Variants in MGST2 observed in about 807,000 individuals in gnomAD.
The protein encoded by MGST2 is glutathione peroxidase MGST2.
In MGST2, 9 loss-of-function variants were observed where a neutral mutation model predicts 16.6. The observed-to-expected ratio is 0.54, with a 90% confidence interval of 0.33 to 0.95. The LOEUF (loss-of-function observed/expected upper bound fraction) is 0.95. Among genes scored for constraint, MGST2 ranks in the 40% least tolerant of loss-of-function variants. MGST2 has a pLI of 0.03. For synonymous variants in MGST2, 79 were observed against 68.0 expected (o/e 1.16, Z -0.79); for missense variants, 159 against 175.1 (o/e 0.91, Z 0.52).
At chr4:139,681,264 C>G (rs1170533186) in intron 2 of MGST2, among the ~76,000 whole-genome samples, 1 of 152,162 alleles carries the variant, frequency 6.6e-6, no homozygotes, top group Non-Finnish European at 1.5e-5. Context: ...GCAATCTGCC[C>G]ACCTCAGCCT....
intron 5 of MGST2, chr4:139,725,888 A>G (rs1728453584): frequency 1.4e-6 from 2 of 1,422,108 alleles, no homozygotes; most frequent in Non-Finnish European, 2.0e-6. Flanking sequence ...GAGCAAGCAC[A>G]CAATTCAATA....
At chr4:139,708,673 G>A (rs1727613042), downstream of MGST2, among the ~76,000 whole-genome samples, 1 of 152,042 alleles carries the variant, frequency 6.6e-6, no homozygotes, top group African/African-American at 2.4e-5. Flanking sequence ...AAACCAAATG[G>A]CAATGTGAGA....
intron 5 of MGST2, among the ~76,000 whole-genome samples, chr4:139,723,114 A>T (rs1312486423): frequency 6.6e-6 from 1 of 152,250 alleles, no homozygotes; most frequent in Middle Eastern, 3.2e-3. Context: ...TATCTATATG[A>T]GTGCGAAATA....
chr4:139,753,883 G>A, the MGST2 span, among the ~76,000 whole-genome samples: 1 of 152,168 alleles, frequency 6.6e-6, no homozygotes, highest in African/African-American at 2.4e-5. Context: ...GAGACAAATG[G>A]AAATGAAGAA....
chr4:139,711,360 G>A (rs929788966), intron 5 of MGST2, among the ~76,000 whole-genome samples: 2 of 152,110 alleles, frequency 1.3e-5, no homozygotes, highest in Non-Finnish European at 2.9e-5. Context: ...GTGAAAGCAA[G>A]TTTATTAAGA....
At chr4:139,675,923 TATAAA>T (rs1475946095) in intron 1 of MGST2, among the ~76,000 whole-genome samples, 1 of 152,128 alleles carries the variant, frequency 6.6e-6, no homozygotes, top group East Asian at 1.9e-4. Flanking sequence ...TCTAGTTACA[TATAAA>T]TTTTGGGGAA....
chr4:139,673,905 AT>A (rs940332825), intron 1 of MGST2, among the ~76,000 whole-genome samples: 2 of 152,194 alleles, frequency 1.3e-5, no homozygotes, highest in Non-Finnish European at 2.9e-5. Context: ...AGGAAAGATA[AT>A]AAATCAATAC....
chr4:139,744,418 G>A (rs150816088), downstream of MGST2, among the ~76,000 whole-genome samples: 15 of 152,268 alleles, frequency 9.9e-5, no homozygotes, highest in African/African-American at 3.4e-4. Flanking sequence ...CACCCCCCAG[G>A]AGCATGGGTT....
At chr4:139,750,116 G>A in the MGST2 span, among the ~76,000 whole-genome samples, 1 of 152,114 alleles carries the variant, frequency 6.6e-6, no homozygotes, top group African/African-American at 2.4e-5. Context: ...GAATTCATCT[G>A]CAAGAATTCC....
chr4:139,748,768 C>T, the MGST2 span, among the ~76,000 whole-genome samples: 9 of 152,126 alleles, frequency 5.9e-5, no homozygotes, highest in South Asian at 2.1e-4. Context: ...TTTCAAGCTC[C>T]GAGGTTTTGA....
intron 3 of MGST2, 143 bp from the exon 4 acceptor site, chr4:139,703,312 C>CT: frequency 1.4e-6 from 1 of 720,958 alleles, no homozygotes; most frequent in South Asian, 1.6e-5. Flanking sequence ...TGTTTCCTTC[C>CT]TATGTGGATT....
Position 139,735,966 on chromosome 4 carries a change from A to G in MGST2, c.*49-4246A>G, listed in dbSNP as rs1210356546. The stretch of plus-strand genomic sequence containing the variant: ...GTGTGCTCCAGCGGGCGCATTTCCC[A>G]GGCCCCGCCACATCGTGTGTGTTAG... On this transcript the variant is annotated intron_variant, in intron 5 of 5. Transcript: ENST00000616265. This position sits in a 1 kb window ranked among gnomAD's most constrained non-coding sequence, Gnocchi z 5.8. Among the ~76,000 whole-genome samples, 2 of 152,142 alleles carry G rather than the reference A, an allele frequency of 1.3e-5. No homozygotes were observed. Among genetic ancestry groups the G allele is most frequent in the African/African-American group, 4.8e-5 (2 of 41,448 alleles).
At chr4:139,681,923 G>T (rs1731262109) in intron 2 of MGST2, among the ~76,000 whole-genome samples, 1 of 152,152 alleles carries the variant, frequency 6.6e-6, no homozygotes, top group Non-Finnish European at 1.5e-5. Flanking sequence ...GGGCATAGTA[G>T]CTCACACCTG....
chr4:139,728,518 G>C (rs1189907740), intron 5 of MGST2, among the ~76,000 whole-genome samples: 2 of 152,242 alleles, frequency 1.3e-5, no homozygotes, highest in African/African-American at 4.8e-5. Context: ...CAGATGAAGA[G>C]GGAAGTTAGT....
At chr4:139,683,644 G>A (rs2110838745) in intron 2 of MGST2, among the ~76,000 whole-genome samples, 1 of 152,176 alleles carries the variant, frequency 6.6e-6, no homozygotes, top group Non-Finnish European at 1.5e-5. Context: ...GGGGTCATTG[G>A]CACAGGAAGA....
At chr4:139,685,690 A>T (rs1430834432) in intron 2 of MGST2, among the ~76,000 whole-genome samples, 1 of 152,154 alleles carries the variant, frequency 6.6e-6, no homozygotes, top group African/African-American at 2.4e-5. Flanking sequence ...TTTAGACAGA[A>T]TCTCACTCTG....
chr4:139,689,333 G>A (rs976346697), intron 2 of MGST2, among the ~76,000 whole-genome samples: 3 of 152,080 alleles, frequency 2.0e-5, no homozygotes, highest in African/African-American at 2.4e-5. Flanking sequence ...CCACTGAAGG[G>A]CAGTGGTGGG....
At chr4:139,731,956 T>A (rs1313602743) in intron 5 of MGST2, among the ~76,000 whole-genome samples, 1 of 152,236 alleles carries the variant, frequency 6.6e-6, no homozygotes, top group Non-Finnish European at 1.5e-5. Flanking sequence ...CAGTGGCAAG[T>A]ATGTTCTGAA....
intron 5 of MGST2, chr4:139,719,231 AAAAC>A (rs1370005670): frequency 2.4e-5 from 35 of 1,451,052 alleles, no homozygotes; most frequent in Non-Finnish European, 2.9e-5. Flanking sequence ...GTGGGTCAAA[AAAAC>A]AAAAAACAAG....
Sources: allele counts gnomAD v4.1 joint callset (sites outside exome capture counted in the v4.1 genomes callset), GRCh38; gene constraint gnomAD v4.1.1; non-coding constraint Gnocchi (gnomAD v3.1); transcripts MANE v1.5; gene names NCBI Gene and HGNC (gene_info 2026-07-23, HGNC 2026-07-21).